Variants in RBM33 observed in about 807,000 individuals in gnomAD.
The protein encoded by RBM33 is RNA-binding protein 33.
Under a neutral mutation model 132.6 loss-of-function variants are expected in RBM33, and 28 were observed. That is an observed-to-expected ratio of 0.21 (90% confidence interval 0.16 to 0.29). The LOEUF (loss-of-function observed/expected upper bound fraction) is 0.29, where lower values mean the gene tolerates loss of function less well. Among genes scored for constraint, RBM33 ranks in the 10% least tolerant of loss-of-function variants. The pLI, the probability that RBM33 is intolerant of heterozygous loss-of-function variation, is 1.00. For synonymous variants in RBM33, 634 were observed against 593.0 expected, an observed-to-expected ratio of 1.07 and a Z score of -1.01; for missense variants, 1,291 against 1,518.5, an observed-to-expected ratio of 0.85 and a Z score of 2.49.
At chr7:155,686,634 C>A (rs1011174026) in intron 5 of RBM33, among the ~76,000 whole-genome samples, 1 of 152,112 alleles carries the variant, frequency 6.6e-6, no homozygotes. Flanking sequence ...CCCCGCTCCC[C>A]CCACCCCATG....
rs3080619 is a variant in RBM33, at chr7:155,661,146, A to ATTTTTTT, written c.44-4022_44-4016dup. On this transcript the variant is annotated intron_variant, in intron 1 of 17. Transcript: ENST00000401878. The stretch of plus-strand genomic sequence containing the variant: ...TGTGTGTGTGTATATATATATATAT[A>ATTTTTTT]TTTTTTTTTTTTTGAGACAGAGTCT... 2.7e-4 allele frequency among the ~76,000 whole-genome samples: 22 copies of ATTTTTTT among 81,192 alleles called. 1 individual carries two copies. Among genetic ancestry groups the ATTTTTTT allele is most frequent in the Admixed American group, 4.0e-4 (3 of 7,416 alleles). The allele number at this position is 81,192 out of a possible 152,430, so 53.3% of individuals were successfully genotyped here. A position where few individuals can be genotyped will look rare whatever the true frequency, so the allele number is the denominator to read the frequency against.
At chr7:155,671,495 T>G (rs1380368519) in intron 2 of RBM33, among the ~76,000 whole-genome samples, 1 of 152,228 alleles carries the variant, frequency 6.6e-6, no homozygotes, top group African/African-American at 2.4e-5. Context: ...TGTCAGGTTG[T>G]TTTTAGTTCT....
Position 155,743,443 on chromosome 7 carries a change from C to A in RBM33, c.2337+1337C>A, listed in dbSNP as rs186855344. Reference sequence around the variant, plus strand: ...TTCCTTCCATGATAGTTGATTTAGGCGAACTTCTAAAGGATTCTTCCATGG... The same window carrying A: ...TTCCTTCCATGATAGTTGATTTAGGAGAACTTCTAAAGGATTCTTCCATGG... On this transcript the variant is annotated intron_variant, in intron 13 of 17. Transcript: ENST00000401878. Among the ~76,000 whole-genome samples, 258 of 152,296 alleles carry A rather than the reference C, an allele frequency of 1.7e-3. 3 individuals are homozygous for A. The highest frequency in any genetic ancestry group is 0.015 in the Admixed American group (234 of 15,306).
At chr7:155,660,650 G>A (rs976639067) in intron 1 of RBM33, among the ~76,000 whole-genome samples, 1 of 152,042 alleles carries the variant, frequency 6.6e-6, no homozygotes. Flanking sequence ...TTTTTGTCTT[G>A]GTGCTTTCAA....
chr7:155,700,495 G>A (rs1219330118), intron 5 of RBM33, among the ~76,000 whole-genome samples: 3 of 148,246 alleles, frequency 2.0e-5, no homozygotes, highest in Non-Finnish European at 3.0e-5. Flanking sequence ...AGACGTGTAA[G>A]CAGCAATGAT....
At chr7:155,653,356 T>C (rs1798406676) in intron 1 of RBM33, among the ~76,000 whole-genome samples, 1 of 152,144 alleles carries the variant, frequency 6.6e-6, no homozygotes, top group Admixed American at 6.5e-5. Flanking sequence ...ACATGCCCTT[T>C]TGGGGGATGC....
rs150689585 is a variant in RBM33, at chr7:155,684,614, A to G, written c.567+3706A>G. 1.4e-4 allele frequency among the ~76,000 whole-genome samples: 22 copies of G among 152,316 alleles called. No homozygotes were observed. In the East Asian group the frequency reaches 4.2e-3, roughly 29 times the overall value. ...TGCTGCTGAGCTCCTTTTTGAGAGC[A>G]CATAAACCATGTCTTTTGAAGGTGG... On this transcript the variant is annotated intron_variant, in intron 5 of 17. Transcript: ENST00000401878.
Position 155,763,896 on chromosome 7 carries a change from C to T in RBM33, c.3064C>T (p.Arg1022Cys), listed in dbSNP as rs750058437. 3.6e-5 allele frequency: 58 copies of T among 1,609,950 alleles called. No homozygotes were observed. The highest frequency in any genetic ancestry group is 4.4e-5 in the Non-Finnish European group (52 of 1,178,352). Reference protein sequence around the residue: ...QPPEVGPQPARKVTLTRGGLQ... With the variant: ...QPPEVGPQPACKVTLTRGGLQ... ...TCCGGAAGTGGGACCACAGCCTGCC[C>T]GCAAGGTGACGCTGACCAGGGGGGG... The change falls in exon 15 of 18, where the codon CGC becomes TGC. Residue 1022 changes from arginine (R) to cysteine (C), a missense_variant. Physicochemically the swap from Arg to Cys is radical, Grantham distance 180. This residue lies in a region of RBM33 where 841 missense variants were observed against 912.0 expected (regional missense o/e 0.92). Coordinates refer to ENST00000401878, the MANE Select transcript of RBM33 (RefSeq NM_053043.3).
chr7:155,698,807 A>G (rs561265931), intron 5 of RBM33, among the ~76,000 whole-genome samples: 229 of 152,370 alleles, frequency 1.5e-3, no homozygotes, highest in Non-Finnish European at 2.8e-3. Flanking sequence ...TTTACTCAGT[A>G]TAATGATGCC....
At chr7:155,717,732 G>GTGAAA (rs1800507574) in intron 8 of RBM33, among the ~76,000 whole-genome samples, 1 of 152,220 alleles carries the variant, frequency 6.6e-6, no homozygotes, top group Non-Finnish European at 1.5e-5. Context: ...GCCTCAAGGT[G>GTGAAA]TGAAACTTAC....
At chr7:155,714,073 G>A (rs766238255) in intron 8 of RBM33, among the ~76,000 whole-genome samples, 29 of 152,276 alleles carry the variant, frequency 1.9e-4, no homozygotes, top group Admixed American at 4.6e-4. Context: ...TCGTGCTTTC[G>A]AAGAGTGGAT....
Position 155,711,421 on chromosome 7 carries a change from G to C in RBM33, c.1167G>C (p.Pro389=), listed in dbSNP as rs770616345. The C allele has an allele frequency of 2.0e-6, 3 of 1,514,022 alleles. 1 individual carries two copies. Among genetic ancestry groups the C allele is most frequent in the Middle Eastern group, 3.5e-4 (2 of 5,706 alleles). 93.8% of individuals were successfully genotyped at this position (1,514,022 alleles called of 1,614,324 possible). Residue 389 remains proline, a synonymous_variant, in exon 8 of 18, where the codon CCG becomes CCC. Coordinates refer to ENST00000401878, the MANE Select transcript of RBM33 (RefSeq NM_053043.3). ...AGCCCAAGAACATACACATCAACCC[G>C]CACTTCAAAGGGACGGTGGTCACGC... The part of the protein sequence containing the change: ...PQQPKNIHIN[P]HFKGTVVTPV...
intron 12 of RBM33, 144 bp from the exon 13 acceptor site, chr7:155,741,675 T>C (rs1801340634): frequency 2.7e-6 from 2 of 749,130 alleles, no homozygotes; most frequent in African/African-American, 1.8e-5. Flanking sequence ...AGAAAAAAAG[T>C]ATGAGAAAAA....
intron 3 of RBM33, among the ~76,000 whole-genome samples, chr7:155,673,768 G>GCGCACACACACACACACACACACA (rs1554469952): frequency 2.3e-5 from 3 of 132,980 alleles, no homozygotes; most frequent in African/African-American, 3.2e-5. Context: ...GCGCATGCGC[G>GCGCACACACACACACACACACACA]CACACACACA....
intron 1 of RBM33, among the ~76,000 whole-genome samples, chr7:155,661,597 G>A (rs1486975671): frequency 6.6e-6 from 1 of 151,448 alleles, no homozygotes; most frequent in Non-Finnish European, 1.5e-5. Flanking sequence ...TAGTAGAGAC[G>A]GAGTTTCGCC....
At chr7:155,681,448 A>AT (rs1226093019) in intron 5 of RBM33, among the ~76,000 whole-genome samples, 2 of 151,988 alleles carry the variant, frequency 1.3e-5, no homozygotes, top group Non-Finnish European at 2.9e-5. Flanking sequence ...GATTGTGCTG[A>AT]TTTTTTATTT....
chr7:155,702,774 A>C (rs1800004678), intron 6 of RBM33, among the ~76,000 whole-genome samples: 1 of 152,248 alleles, frequency 6.6e-6, no homozygotes, highest in South Asian at 2.1e-4. Context: ...ATTAGTCATC[A>C]CTACTGCTTC....
At chr7:155,737,976 C>A in intron 10 of RBM33, 84 bp from the exon 11 acceptor site, 1 of 1,220,214 alleles carries the variant, frequency 8.2e-7, no homozygotes, top group Non-Finnish European at 1.2e-6. Flanking sequence ...CTTCTGTCCA[C>A]AGTAGGATAG....
intron 6 of RBM33, among the ~76,000 whole-genome samples, chr7:155,703,003 A>G (rs1476083312): frequency 1.3e-5 from 2 of 151,792 alleles, no homozygotes; most frequent in Non-Finnish European, 2.9e-5. Flanking sequence ...CCTCTTCTGT[A>G]CCACCCTGCC....
Sources: allele counts gnomAD v4.1 joint callset (sites outside exome capture counted in the v4.1 genomes callset), GRCh38; gene constraint gnomAD v4.1.1; regional missense constraint gnomAD v4.1.1; transcripts MANE v1.5; gene names NCBI Gene and HGNC (gene_info 2026-07-23, HGNC 2026-07-21).